UPP2: variants seen among roughly 807,000 people sequenced by gnomAD.
UPP2 encodes the protein uridine phosphorylase 2, also known as UPase 2.
Under a neutral mutation model 26.7 loss-of-function variants are expected in UPP2, and 23 were observed. The observed-to-expected ratio is 0.86, with a 90% CI of 0.62 to 1.22. UPP2 has a LOEUF of 1.22. Ranked by LOEUF, UPP2 falls within the 50% of genes most tolerant of loss-of-function variation. UPP2 has a pLI of 0.00. For synonymous variants in UPP2, 127 were observed against 141.3 expected (o/e 0.90, Z 0.72); for missense variants, 387 against 396.7 (o/e 0.98, Z 0.21).
intron 3 of UPP2, among the ~76,000 whole-genome samples, chr2:158,062,511 C>T (rs1380448052): frequency 9.2e-6 from 1 of 108,854 alleles, no homozygotes; most frequent in African/African-American, 3.5e-5. Flanking sequence ...GTGGGGAAAA[C>T]ATGCTATTAA....
In UPP2 at chr2:158,104,203, T is replaced by C. The variant is rs966860038; in HGVS notation, c.63-1896T>C. ...CAATGTGAAATGCTATCTACCAGCA[T>C]TAGCATGAAACAAATGCTTTGGGAA... On this transcript the variant is annotated intron_variant, in intron 1 of 6. Transcript: ENST00000005756. 1.3e-5 allele frequency among the ~76,000 whole-genome samples: 2 copies of C among 152,292 alleles called. 1 individual carries two copies. Among genetic ancestry groups the C allele is most frequent in the South Asian group, 4.1e-4 (2 of 4,830 alleles).
At chr2:158,123,244 T>A (rs1387937168) in intron 5 of UPP2, among the ~76,000 whole-genome samples, 1 of 152,146 alleles carries the variant, frequency 6.6e-6, no homozygotes, top group African/African-American at 2.4e-5. Context: ...GCGTGCAGCC[T>A]GAGAAGTGTG....
chr2:157,999,785 AG>A (rs1348246449), intron 2 of UPP2, among the ~76,000 whole-genome samples: 3 of 152,340 alleles, frequency 2.0e-5, no homozygotes, highest in African/African-American at 2.4e-5. Context: ...ATGGAATAAA[AG>A]TTAAGAAAAA....
chr2:158,062,656 G>C (rs1226770528), intron 3 of UPP2, among the ~76,000 whole-genome samples: 1 of 152,162 alleles, frequency 6.6e-6, no homozygotes, highest in Non-Finnish European at 1.5e-5. Context: ...ACTATCCCTT[G>C]GGTCCAGGAG....
chr2:158,088,444 T>A (rs112469461), intron 3 of UPP2, among the ~76,000 whole-genome samples: 1,664 of 152,338 alleles, frequency 0.011, 33 homozygotes, highest in African/African-American at 0.037. Context: ...ACCTCCTTGA[T>A]TAGCTTAATA....
intron 3 of UPP2, among the ~76,000 whole-genome samples, chr2:158,049,840 C>A (rs1326555979): frequency 6.6e-6 from 1 of 152,180 alleles, no homozygotes; most frequent in Non-Finnish European, 1.5e-5. Context: ...TTCTTATGAT[C>A]ATACATTAGA....
At chr2:158,054,681 T>A (rs990461599) in intron 3 of UPP2, among the ~76,000 whole-genome samples, 1 of 152,186 alleles carries the variant, frequency 6.6e-6, no homozygotes, top group Non-Finnish European at 1.5e-5. Flanking sequence ...TCCAGAAACA[T>A]CTGCTGCTAG....
intron 2 of UPP2, among the ~76,000 whole-genome samples, chr2:158,110,607 T>C (rs1473724658): frequency 6.6e-6 from 1 of 152,204 alleles, no homozygotes; most frequent in Non-Finnish European, 1.5e-5. Flanking sequence ...TCCACAATGG[T>C]TGAACTAGTT....
At chr2:158,071,555 A>C (rs1181715538) in intron 3 of UPP2, among the ~76,000 whole-genome samples, 4 of 31,460 alleles carry the variant, frequency 1.3e-4, no homozygotes, top group African/African-American at 6.2e-4. Flanking sequence ...TGTCTCAAAA[A>C]AAAAAAAAAA....
At chr2:158,069,671 AT>A in intron 3 of UPP2, among the ~76,000 whole-genome samples, 1 of 152,172 alleles carries the variant, frequency 6.6e-6, no homozygotes, top group East Asian at 1.9e-4. Flanking sequence ...TAGAGCGAGG[AT>A]TTTCAGCAAG....
chr2:158,106,290 A>G, intron 2 of UPP2, 74 bp downstream of exon 2: 1 of 1,292,326 alleles, frequency 7.7e-7, no homozygotes, highest in Non-Finnish European at 1.1e-6. Context: ...TTGCCAAAAT[A>G]ATCTATACAC....
intron 3 of UPP2, among the ~76,000 whole-genome samples, chr2:158,035,158 C>CTT (rs397868383): frequency 1.6e-4 from 23 of 143,326 alleles, no homozygotes; most frequent in African/African-American, 3.1e-4. Flanking sequence ...GGATCAGAAT[C>CTT]TTTTTTTTTT....
chr2:158,018,128 A>C (rs1171041204), intron 3 of UPP2, among the ~76,000 whole-genome samples: 1 of 152,228 alleles, frequency 6.6e-6, no homozygotes, highest in Non-Finnish European at 1.5e-5. Flanking sequence ...AACCAATGAA[A>C]ATCATTTACT....
At chr2:158,072,572 G>A (rs1163001192) in intron 3 of UPP2, among the ~76,000 whole-genome samples, 1 of 152,102 alleles carries the variant, frequency 6.6e-6, no homozygotes, top group Non-Finnish European at 1.5e-5. Flanking sequence ...CCGTCCCAGT[G>A]GTGGTGGCCA....
chr2:158,103,421 A>G (rs960761000), intron 1 of UPP2, among the ~76,000 whole-genome samples: 3 of 152,214 alleles, frequency 2.0e-5, no homozygotes, highest in East Asian at 3.8e-4. Context: ...TAAAAACACC[A>G]AAGCCCAGGT....
At chr2:158,059,634 G>A (rs554562297) in intron 3 of UPP2, among the ~76,000 whole-genome samples, 1 of 152,274 alleles carries the variant, frequency 6.6e-6, no homozygotes, top group East Asian at 1.9e-4. Context: ...TTTGTCTCTG[G>A]GAGGCTGTGT....
At chr2:158,000,950 A>AT (rs765433414) in intron 2 of UPP2, among the ~76,000 whole-genome samples, 35 of 152,344 alleles carry the variant, frequency 2.3e-4, no homozygotes, top group Admixed American at 1.1e-3. Context: ...TCATAAGTGC[A>AT]TGGTAAATGT....
At chr2:158,017,223 A>G (rs1411709974) in intron 3 of UPP2, among the ~76,000 whole-genome samples, 1 of 152,172 alleles carries the variant, frequency 6.6e-6, no homozygotes, top group African/African-American at 2.4e-5. Flanking sequence ...TGAAATATAC[A>G]GCTCTTCTAT....
chr2:158,087,188 G>C (rs1682830924), intron 3 of UPP2, among the ~76,000 whole-genome samples: 1 of 152,030 alleles, frequency 6.6e-6, no homozygotes, highest in Non-Finnish European at 1.5e-5. Context: ...GTGCATATAT[G>C]TTTAGGATTG....
Sources: allele counts gnomAD v4.1 joint callset (sites outside exome capture counted in the v4.1 genomes callset), GRCh38; gene constraint gnomAD v4.1.1; transcripts MANE v1.5; gene names NCBI Gene and HGNC (gene_info 2026-07-23, HGNC 2026-07-21).